The following WDFY1 variants were observed in gnomAD, a reference collection of about 807,000 sequenced individuals.
WDFY1 encodes WD repeat and FYVE domain-containing protein 1.
WDFY1 carries 32 observed loss-of-function variants against 56.4 expected under a neutral mutation model. The observed-to-expected ratio is 0.57, with a 90% CI of 0.43 to 0.76. WDFY1 has a LOEUF of 0.76. Among genes scored for constraint, WDFY1 ranks in the 30% least tolerant of loss-of-function variants. The pLI, the probability that WDFY1 is intolerant of heterozygous loss-of-function variation, is 0.00. For missense variants in WDFY1, 480 were observed against 545.7 expected (o/e 0.88, Z 1.20); for synonymous variants, 192 against 197.3 (o/e 0.97, Z 0.23).
At position 223,917,870 on chromosome 2, in the gene WDFY1, C is replaced by T. The variant is rs1229502343; in HGVS notation, c.205+73G>A. ...TACAGGTGTGAGCCACCATGCTCAGCCGACATTTTGAAATTTAAATCATCA... is the reference window on the plus strand; with the variant it reads ...TACAGGTGTGAGCCACCATGCTCAGTCGACATTTTGAAATTTAAATCATCA... On this transcript the variant is annotated intron_variant, in intron 2 of 11. Coordinates refer to ENST00000233055, the MANE Select transcript of WDFY1 (RefSeq NM_020830.5). 13 of 1,575,658 alleles carry T rather than the reference C, an allele frequency of 8.3e-6. No individual in the cohort carries two copies. The Admixed American group carries it at 2.2e-4, about 27-fold the overall frequency.
At chr2:223,878,759 G>C (rs367566474) in intron 11 of WDFY1, 29 bp from the exon 12 acceptor site, 3 of 1,613,230 alleles carry the variant, frequency 1.9e-6, no homozygotes, top group Non-Finnish European at 2.5e-6. Context: ...CGCAGAAAAG[G>C]CAGCAGTGAT....
intron 1 of WDFY1, among the ~76,000 whole-genome samples, chr2:223,938,799 C>T (rs1209266016): frequency 6.6e-6 from 1 of 151,602 alleles, no homozygotes; most frequent in Admixed American, 6.6e-5. Flanking sequence ...TGTGAATGAC[C>T]CCAGGTAAAT....
chr2:223,942,611 C>A (rs1296088784), intron 1 of WDFY1, among the ~76,000 whole-genome samples: 1 of 130,858 alleles, frequency 7.6e-6, no homozygotes, highest in Admixed American at 8.0e-5. Context: ...TCTCGGCTCA[C>A]TGCAAGCTCC....
intron 1 of WDFY1, among the ~76,000 whole-genome samples, chr2:223,942,899 T>C (rs1223552000): frequency 2.0e-5 from 3 of 150,880 alleles, no homozygotes; most frequent in African/African-American, 4.9e-5. Context: ...GTCATTATTC[T>C]GGCCGGACAC....
intron 1 of WDFY1, among the ~76,000 whole-genome samples, chr2:223,942,517 C>G (rs1574785925): frequency 8.3e-6 from 1 of 120,224 alleles, no homozygotes; most frequent in South Asian, 2.8e-4. Flanking sequence ...TGCGCCTGGC[C>G]AAAGGCTAAC....
At chr2:223,882,710 T>TA (rs543679111) in intron 9 of WDFY1, among the ~76,000 whole-genome samples, 47 of 128,722 alleles carry the variant, frequency 3.7e-4, no homozygotes, top group African/African-American at 1.1e-3. Context: ...TCCTCCATCA[T>TA]AAAAAAGGCA....
chr2:223,914,082 C>T (rs1693749183), intron 2 of WDFY1, among the ~76,000 whole-genome samples: 1 of 144,458 alleles, frequency 6.9e-6, no homozygotes, highest in African/African-American at 2.5e-5. Flanking sequence ...CTGCAACCTC[C>T]GCCACTTGGG....
intron 1 of WDFY1, among the ~76,000 whole-genome samples, chr2:223,924,922 A>T (rs1311776890): frequency 6.6e-6 from 1 of 152,200 alleles, no homozygotes; most frequent in African/African-American, 2.4e-5. Flanking sequence ...ATAGAGAGAA[A>T]CAAATACACC....
At chr2:223,913,993 C>CTTTGTTT in intron 2 of WDFY1, among the ~76,000 whole-genome samples, 1 of 88,152 alleles carries the variant, frequency 1.1e-5, no homozygotes, top group Non-Finnish European at 2.0e-5. Context: ...AATCAGTTAG[C>CTTTGTTT]TTTTTTTTTT....
In WDFY1 at chr2:223,922,802, T is replaced by C. The variant is rs368917096; in HGVS notation, c.138-4792A>G. 3.0e-4 allele frequency among the ~76,000 whole-genome samples: 45 copies of C among 152,304 alleles called. No homozygotes were observed. In the East Asian group the frequency reaches 8.5e-3, roughly 29 times the overall value. On this transcript the variant is annotated intron_variant, in intron 1 of 11. Coordinates refer to ENST00000233055, the MANE Select transcript of WDFY1 (RefSeq NM_020830.5). ...AAGGTTGTCTCTTCCAACCAAGTAT[T>C]TAACCTGGAAAAGTCTAATGTTAAT...
chr2:223,896,549 A>G (rs114481783), intron 6 of WDFY1, among the ~76,000 whole-genome samples: 2,057 of 152,286 alleles, frequency 0.014, 23 homozygotes, highest in Non-Finnish European at 0.019. Context: ...CCTTGGGGAA[A>G]TCTTTCTTTC....
chr2:223,912,049 A>G (rs927828159), intron 3 of WDFY1, among the ~76,000 whole-genome samples: 6 of 152,080 alleles, frequency 3.9e-5, no homozygotes, highest in African/African-American at 1.4e-4. Context: ...TCCTGGGCTC[A>G]AGCGATCCGC....
intron 1 of WDFY1, among the ~76,000 whole-genome samples, chr2:223,939,611 T>G (rs191695300): frequency 1.3e-5 from 2 of 151,912 alleles, no homozygotes; most frequent in African/African-American, 2.4e-5. Context: ...AAGAGAGAAA[T>G]AGGAACCAAG....
Position 223,945,335 on chromosome 2 carries a change from C to G in WDFY1, c.-51G>C. 6.7e-7 allele frequency: 1 copy of G among 1,496,820 alleles called. No individual in the cohort carries two copies. The allele number at this position is 1,496,820 out of a possible 1,614,324, so 92.7% of individuals were successfully genotyped here. A position where few individuals can be genotyped will look rare whatever the true frequency, so the allele number is the denominator to read the frequency against. ...CCTCGGCAGGCAGCCCATCAGCTGA[C>G]GCCTGGGCGGGCGGGGGACGCGCCG... On this transcript the variant is annotated 5_prime_UTR_variant, in exon 1 of 12. Transcript: ENST00000233055.
intron 1 of WDFY1, among the ~76,000 whole-genome samples, chr2:223,934,422 T>C (rs1200369993): frequency 6.6e-6 from 1 of 152,108 alleles, no homozygotes; most frequent in African/African-American, 2.4e-5. Context: ...GTTCCATGCT[T>C]CTTTTTCCCT....
intron 1 of WDFY1, among the ~76,000 whole-genome samples, chr2:223,921,553 T>C (rs763910938): frequency 5.3e-5 from 8 of 152,174 alleles, no homozygotes; most frequent in Non-Finnish European, 1.0e-4. Flanking sequence ...TAAATCCTAA[T>C]TCAAACTAAA....
rs1229348711 is a variant in WDFY1 at position 223,878,126 on chromosome 2, A to T, written c.*545T>A. ...CCTGAAAATAACAGATCTCTTTAAG[A>T]AGTTTATCAATAACTAAGTGTAGAG... On this transcript the variant is annotated 3_prime_UTR_variant, in exon 12 of 12. Transcript: ENST00000233055. The T allele has an allele frequency of 6.6e-6, 1 of 152,354 alleles. No individual in the cohort carries two copies. Among genetic ancestry groups the T allele is most frequent in the African/African-American group, 2.4e-5 (1 of 41,438 alleles). 9.4% of individuals were successfully genotyped at this position (152,354 alleles called of 1,614,324 possible).
At chr2:223,906,979 T>C (rs562621463) in intron 3 of WDFY1, among the ~76,000 whole-genome samples, 91 of 150,824 alleles carry the variant, frequency 6.0e-4, no homozygotes, top group African/African-American at 2.1e-3. Flanking sequence ...TTATTATTAT[T>C]ATTATATTAT....
At chr2:223,884,234 T>C (rs1297776008) in intron 9 of WDFY1, among the ~76,000 whole-genome samples, 1 of 152,180 alleles carries the variant, frequency 6.6e-6, no homozygotes, top group Non-Finnish European at 1.5e-5. Context: ...ACTCATAGGG[T>C]CAGGCATTCA....
Sources: allele counts gnomAD v4.1 joint callset (sites outside exome capture counted in the v4.1 genomes callset), GRCh38; gene constraint gnomAD v4.1.1; transcripts MANE v1.5; gene names NCBI Gene and HGNC (gene_info 2026-07-23, HGNC 2026-07-21).